ZC3H15: variants seen among roughly 807,000 people sequenced by gnomAD.
ZC3H15 encodes zinc finger CCCH-type containing 15, also known as zinc finger CCCH domain-containing protein 15.
ZC3H15 carries 15 observed loss-of-function variants against 51.2 expected under a neutral mutation model. The ratio of observed to expected loss-of-function variants is 0.29; its 90% CI spans 0.20 to 0.45. ZC3H15 has a LOEUF of 0.45. Ranked by LOEUF, ZC3H15 falls within the 20% of genes least tolerant of loss-of-function variation. The probability of loss-of-function intolerance (pLI) is 1.00; values close to 1 mark genes in which losing one functional copy is unlikely to be tolerated. For synonymous variants in ZC3H15, 144 were observed against 162.8 expected, an observed-to-expected ratio of 0.88 and a Z score of 0.88; for missense variants, 381 against 494.7, an observed-to-expected ratio of 0.77 and a Z score of 2.18.
Position 186,506,735 on chromosome 2 carries a change from A to G in ZC3H15, c.989A>G (p.Asn330Ser), listed in dbSNP as rs1458277239. ...AAGGTTGATGATTCAGTGAGTGTAA[A>G]TGACATAGATTTAAGCCTGTACATC... Reference protein sequence around the residue: ...GDEVDDSVSVNDIDLSLYIPR... With the variant: ...GDEVDDSVSVSDIDLSLYIPR... The change falls in exon 9 of 10, where the codon AAT (asparagine) becomes AGT (serine). Residue 330 changes from asparagine to serine, a missense_variant. Physicochemically the swap from Asn to Ser is conservative, Grantham distance 46. Coordinates refer to ENST00000337859, the MANE Select transcript of ZC3H15 (RefSeq NM_018471.3). 6.8e-6 allele frequency: 11 copies of G among 1,612,992 alleles called. No individual in the cohort carries two copies. The highest frequency in any genetic ancestry group is 9.3e-6 in the Non-Finnish European group (11 of 1,179,370).
intron 1 of ZC3H15, chr2:186,486,763 T>C: frequency 8.6e-6 from 3 of 349,028 alleles, no homozygotes; most frequent in Non-Finnish European, 1.5e-5. Context: ...GCTAGTCCTC[T>C]CAGAATTGAG....
chr2:186,486,262 C>G lies in ZC3H15; in HGVS notation c.-121C>G. The G allele has an allele frequency of 8.4e-7, 1 of 1,185,538 alleles. No individual in the cohort carries two copies. The highest frequency in any genetic ancestry group is 1.1e-6 in the Non-Finnish European group (1 of 881,940). The allele number at this position is 1,185,538 out of a possible 1,614,324, so 73.4% of individuals were successfully genotyped here. A position where few individuals can be genotyped will look rare whatever the true frequency, so the allele number is the denominator to read the frequency against. On this transcript the variant is annotated 5_prime_UTR_variant, in exon 1 of 10. Coordinates refer to ENST00000337859, the MANE Select transcript of ZC3H15 (RefSeq NM_018471.3). ...CCGCGTTTGCGGGGCCAATGAGCGACTCGCTTTCCGTGCGGTGCGGCGAGT... is the reference window on the plus strand; with the variant it reads ...CCGCGTTTGCGGGGCCAATGAGCGAGTCGCTTTCCGTGCGGTGCGGCGAGT...
rs76635047 is a variant in ZC3H15 at position 186,489,988 on chromosome 2, A to G, written c.75+3531A>G. ...TAAATGGCAGCTATTGTTATTGCCT[A>G]TTTTGATAGTGTATTATAAATAAAA... On this transcript the variant is annotated intron_variant, in intron 1 of 9. Coordinates refer to ENST00000337859, the MANE Select transcript of ZC3H15 (RefSeq NM_018471.3). 1.3e-3 allele frequency among the ~76,000 whole-genome samples: 197 copies of G among 152,260 alleles called. 7 individuals are homozygous for G. In the East Asian group the frequency reaches 0.019, roughly 15 times the overall value.
At position 186,495,351 on chromosome 2, in the gene ZC3H15, TC is replaced by T; in HGVS notation, c.177+19del. 7.3e-7 allele frequency: 1 copy of T among 1,376,000 alleles called. No individual in the cohort carries two copies. Among genetic ancestry groups the T allele is most frequent in the Non-Finnish European group, 9.7e-7 (1 of 1,033,180 alleles). The allele number at this position is 1,376,000 out of a possible 1,614,324, so 85.2% of individuals were successfully genotyped here. ...CCACGTCAGGTAAGTAATTTAAATG[TC>T]CATATCTTTTTATAAATGTAATATT... On this transcript the variant is annotated intron_variant, in intron 2 of 9. Transcript: ENST00000337859.
intron 1 of ZC3H15, among the ~76,000 whole-genome samples, chr2:186,489,900 A>G (rs1211664815): frequency 1.1e-4 from 16 of 152,232 alleles, no homozygotes; most frequent in Admixed American, 1.0e-3. Flanking sequence ...AAATGCAGCT[A>G]GTTCCCGTGA....
intron 1 of ZC3H15, among the ~76,000 whole-genome samples, chr2:186,487,867 CT>C (rs1253211114): frequency 6.6e-6 from 1 of 152,112 alleles, no homozygotes; most frequent in Non-Finnish European, 1.5e-5. Flanking sequence ...TTCTCTATAT[CT>C]AATTGTTTTA....
At chr2:186,502,914 G>GC (rs1559011751) in intron 5 of ZC3H15, among the ~76,000 whole-genome samples, 1 of 152,096 alleles carries the variant, frequency 6.6e-6, no homozygotes, top group East Asian at 1.9e-4. Flanking sequence ...GTGGAAGGAG[G>GC]CCTGTTAAAC....
At chr2:186,486,483 A>T (rs1685095719) in intron 1 of ZC3H15, 26 bp downstream of exon 1, 3 of 1,522,278 alleles carry the variant, frequency 2.0e-6, no homozygotes, top group Non-Finnish European at 1.8e-6. Flanking sequence ...TCCCCCACTC[A>T]CGCCGCGAGC....
At chr2:186,503,495 G>C (rs938044878) in intron 5 of ZC3H15, among the ~76,000 whole-genome samples, 3 of 152,156 alleles carry the variant, frequency 2.0e-5, no homozygotes, top group Admixed American at 6.5e-5. Context: ...TCCTGCGTCA[G>C]CCTCCCAAGT....
intron 9 of ZC3H15, chr2:186,507,360 A>C (rs1474791262): frequency 4.4e-6 from 2 of 456,090 alleles, no homozygotes; most frequent in Admixed American, 4.7e-5. Flanking sequence ...GGTGAGAAGA[A>C]AAATGAATAC....
At chr2:186,490,723 C>A (rs776389225) in intron 1 of ZC3H15, among the ~76,000 whole-genome samples, 6 of 152,184 alleles carry the variant, frequency 3.9e-5, no homozygotes, top group East Asian at 3.9e-4. Context: ...GGAGGCTGGC[C>A]CGTAAAAGGA....
At chr2:186,495,952 T>A (rs1685275118) in intron 2 of ZC3H15, among the ~76,000 whole-genome samples, 1 of 152,222 alleles carries the variant, frequency 6.6e-6, no homozygotes, top group Non-Finnish European at 1.5e-5. Context: ...TTCTATGACT[T>A]CCCTATTGAA....
chr2:186,490,065 C>T (rs1171393172), intron 1 of ZC3H15, among the ~76,000 whole-genome samples: 2 of 152,102 alleles, frequency 1.3e-5, no homozygotes, highest in Admixed American at 6.5e-5. Context: ...TTAGTTCCTG[C>T]CCATTTTTTA....
At chr2:186,503,216 C>G (rs1685415003) in intron 5 of ZC3H15, among the ~76,000 whole-genome samples, 1 of 152,122 alleles carries the variant, frequency 6.6e-6, no homozygotes, top group African/African-American at 2.4e-5. Context: ...TTAATTTTCT[C>G]TTACTTGCAA....
intron 8 of ZC3H15, among the ~76,000 whole-genome samples, 173 bp from the exon 9 acceptor site, chr2:186,506,540 C>T (rs1685470272): frequency 6.6e-6 from 1 of 152,184 alleles, no homozygotes; most frequent in South Asian, 2.1e-4. Flanking sequence ...TGATCCTCCA[C>T]CTCGACCTCC....
Position 186,505,576 on chromosome 2 carries a change from C to A in ZC3H15, c.843C>A (p.Phe281Leu). 6.2e-7 allele frequency: 1 copy of A among 1,606,306 alleles called. No homozygotes were observed. Among genetic ancestry groups the A allele is most frequent in the South Asian group, 1.1e-5 (1 of 89,566 alleles). ...EQDMERRKAD[F>L]KAGKALVISG... ...ATATGGAAAGAAGGAAAGCTGACTT[C>A]AAAGCAGGGAAAGCACTAGTGGTAT... The change falls in exon 7 of 10, where the codon TTC (phenylalanine) becomes TTA (leucine). Residue 281 changes from phenylalanine (F) to leucine (L), a missense_variant. Transcript: ENST00000337859.
At position 186,486,403 on chromosome 2, in the gene ZC3H15, T is replaced by G; in HGVS notation, c.21T>G (p.Ala7=). The change falls in exon 1 of 10, where the codon GCT becomes GCG. Residue 7 remains alanine, a synonymous_variant. Coordinates refer to ENST00000337859, the MANE Select transcript of ZC3H15 (RefSeq NM_018471.3). The part of the protein sequence containing the change: MPPKKQ[A]QAGGSKKAEQ... ...CCGCAATGCCCCCCAAGAAACAGGC[T>G]CAGGCCGGGGGCAGCAAAAAGGCGG... 2 of 1,556,628 alleles carry G rather than the reference T, an allele frequency of 1.3e-6. No homozygotes were observed. The highest frequency in any genetic ancestry group is 1.7e-6 in the Non-Finnish European group (2 of 1,148,330).
intron 2 of ZC3H15, among the ~76,000 whole-genome samples, chr2:186,499,958 G>C (rs1198614660): frequency 1.3e-5 from 2 of 152,148 alleles, no homozygotes; most frequent in African/African-American, 4.8e-5. Flanking sequence ...ATAAATGCTT[G>C]TTGCTGTAAG....
chr2:186,508,737 C>G lies in ZC3H15; in HGVS notation c.*4C>G. On this transcript the variant is annotated 3_prime_UTR_variant, in exon 10 of 10. Coordinates refer to ENST00000337859, the MANE Select transcript of ZC3H15 (RefSeq NM_018471.3). The stretch of plus-strand genomic sequence containing the variant: ...TACACTTGATTTAGAAGAATGACAC[C>G]AAACACATCGCTGAAAAAATTAAGT... The G allele has an allele frequency of 6.2e-7, 1 of 1,611,924 alleles. No individual in the cohort carries two copies. Among genetic ancestry groups the G allele is most frequent in the South Asian group, 1.1e-5 (1 of 90,978 alleles).
Sources: gnomAD v4.1 joint callset for allele counts (sites outside exome capture counted in the v4.1 genomes callset) on GRCh38, gnomAD v4.1.1 for gene constraint, MANE v1.5 for transcripts, NCBI Gene and HGNC (gene_info 2026-07-23, HGNC 2026-07-21) for gene names.